MYL2: variants seen among roughly 807,000 people sequenced by gnomAD.
MYL2 encodes myosin light chain 2.
Under a neutral mutation model 23.0 loss-of-function variants are expected in MYL2, and 19 were observed. The ratio of observed to expected loss-of-function variants is 0.83; its 90% CI spans 0.58 to 1.21. The LOEUF (loss-of-function observed/expected upper bound fraction) is 1.21, where lower values mean the gene tolerates loss of function less well. Among genes scored for constraint, MYL2 ranks in the 50% most tolerant of loss-of-function variants. The probability of loss-of-function intolerance (pLI) is 0.00; values close to 1 mark genes in which losing one functional copy is unlikely to be tolerated. For synonymous variants in MYL2, 78 were observed against 76.2 expected, an observed-to-expected ratio of 1.02 and a Z score of -0.13; for missense variants, 180 against 215.1, an observed-to-expected ratio of 0.84 and a Z score of 1.02.
chr12:110,921,175 A>G (rs559870635), upstream of MYL2, among the ~76,000 whole-genome samples: 71 of 152,280 alleles, frequency 4.7e-4, no homozygotes, highest in Middle Eastern at 6.8e-3. Flanking sequence ...CCTGGGTGAC[A>G]TAGGGAGATG....
At chr12:110,916,108 C>T (rs775997093) in intron 2 of MYL2, among the ~76,000 whole-genome samples, 33 of 152,116 alleles carry the variant, frequency 2.2e-4, no homozygotes, top group Non-Finnish European at 3.1e-4. Flanking sequence ...GGCCTAGGCC[C>T]GTGGGTTACT....
intron 1 of MYL2, among the ~76,000 whole-genome samples, 171 bp downstream of exon 1, chr12:110,920,356 G>A (rs1424124402): frequency 1.3e-5 from 2 of 151,932 alleles, no homozygotes; most frequent in East Asian, 1.9e-4. Context: ...GTGGCCTATC[G>A]GGGCATTGAT....
At chr12:110,912,628 TG>T (rs796460494) in intron 6 of MYL2, among the ~76,000 whole-genome samples, 2 of 152,330 alleles carry the variant, frequency 1.3e-5, no homozygotes, top group South Asian at 4.1e-4. Flanking sequence ...GGCATGATCT[TG>T]GCTCATTGCA....
intron 4 of MYL2, 101 bp downstream of exon 4, chr12:110,914,085 A>C (rs550818109): frequency 1.0e-6 from 1 of 953,040 alleles, no homozygotes. Context: ...ATTTTTTTCC[A>C]ATGGTGCTTT....
At chr12:110,914,091 GC>G (rs955876402) in intron 4 of MYL2, 94 bp downstream of exon 4, 1 of 989,844 alleles carries the variant, frequency 1.0e-6, no homozygotes, top group African/African-American at 1.6e-5. Context: ...TTCCAATGGT[GC>G]TTTATCTCTT....
chr12:110,911,157 C>G lies in MYL2; in HGVS notation c.421G>C (p.Ala141Pro). 1 of 1,599,728 alleles carries G rather than the reference C, an allele frequency of 6.3e-7. No individual in the cohort carries two copies. Among genetic ancestry groups the G allele is most frequent in the Non-Finnish European group, 8.5e-7 (1 of 1,171,784 alleles). ...SKEEVDQMFA[A>P]FPPDVTGNLD... ...TTGCCAGTCACGTCAGGGGGGAAGG[C>G]GGCGAACATCTGGTCAACCTGCAAT... Residue 141 changes from alanine to proline, a missense_variant, in exon 7 of 7, where the codon GCC (alanine) becomes CCC (proline). Transcript: ENST00000228841.
intron 2 of MYL2, among the ~76,000 whole-genome samples, chr12:110,917,290 C>CT (rs929368491): frequency 6.6e-6 from 1 of 151,576 alleles, no homozygotes; most frequent in African/African-American, 2.4e-5. Flanking sequence ...CAGTTTTTAG[C>CT]TTTTTAAAAA....
rs919640255 is a variant in MYL2 at position 110,918,660 on chromosome 12, G to A, written c.93+444C>T. 2.0e-5 allele frequency among the ~76,000 whole-genome samples: 3 copies of A among 152,112 alleles called. No homozygotes were observed. Among genetic ancestry groups the A allele is most frequent in the African/African-American group, 7.2e-5 (3 of 41,410 alleles). On this transcript the variant is annotated intron_variant, in intron 2 of 6. Transcript: ENST00000228841. This position sits in a 1 kb window ranked among gnomAD's most constrained non-coding sequence, Gnocchi z 4.4. Reference sequence around the variant, plus strand: ...AATGTCATATTTAACCATAGGAAATGGTTTAAATACATGATAGGAAATGTT... The same window carrying A: ...AATGTCATATTTAACCATAGGAAATAGTTTAAATACATGATAGGAAATGTT...
intron 1 of MYL2, among the ~76,000 whole-genome samples, chr12:110,919,810 G>A (rs2071708848): frequency 6.6e-6 from 1 of 152,120 alleles, no homozygotes; most frequent in South Asian, 2.1e-4. Flanking sequence ...TTCAATAACA[G>A]CAAATGATTC....
At position 110,913,124 on chromosome 12, in the gene MYL2, G is replaced by A. The variant is rs375667565; in HGVS notation, c.374C>T (p.Thr125Met). 4.0e-5 allele frequency: 65 copies of A among 1,614,208 alleles called. No homozygotes were observed. The highest frequency in any genetic ancestry group is 4.5e-5 in the East Asian group (2 of 44,882). The stretch of plus-strand genomic sequence containing the variant: ...CTCCTTGGAAAACCTCTCCGCCTGC[G>A]TGGTCAGCATTTCCCGAACGCTGCA... ...KADYVREMLT[T>M]QAERFSKEEV... is the part of the protein sequence containing the mutation. The change falls in exon 6 of 7, where the codon ACG (threonine) becomes ATG (methionine). Residue 125 changes from threonine (T) to methionine (M), a missense_variant. Coordinates refer to ENST00000228841, the MANE Select transcript of MYL2 (RefSeq NM_000432.4).
intron 3 of MYL2, among the ~76,000 whole-genome samples, chr12:110,915,131 C>T (rs955109783): frequency 2.0e-5 from 3 of 152,328 alleles, no homozygotes; most frequent in Non-Finnish European, 2.9e-5. Flanking sequence ...AATGTGAATA[C>T]TTCCCTGTAG....
intron 1 of MYL2, among the ~76,000 whole-genome samples, chr12:110,920,160 AC>A (rs2071711619): frequency 6.6e-6 from 1 of 152,204 alleles, no homozygotes; most frequent in Non-Finnish European, 1.5e-5. Context: ...AAAGGTGAAA[AC>A]AAAAACATTC....
chr12:110,912,513 G>T (rs1027580442), intron 6 of MYL2, among the ~76,000 whole-genome samples: 2 of 152,194 alleles, frequency 1.3e-5, no homozygotes, highest in African/African-American at 2.4e-5. Flanking sequence ...CTGCAGTCAC[G>T]CAGACCTAGG....
intron 3 of MYL2, among the ~76,000 whole-genome samples, chr12:110,915,408 C>T (rs997294057): frequency 6.6e-6 from 1 of 152,174 alleles, no homozygotes; most frequent in Admixed American, 6.5e-5. Flanking sequence ...TGGAATATGA[C>T]CTTCTGGGTG....
At chr12:110,920,798 G>A (rs187098127), upstream of MYL2, 7 of 590,790 alleles carry the variant, frequency 1.2e-5, no homozygotes, top group Admixed American at 2.9e-5. Flanking sequence ...TCATGGTCAC[G>A]GGGAGAGATG....
In MYL2 at chr12:110,915,746, C is replaced by T. The variant is rs1267967428; in HGVS notation, c.138G>A (p.Lys46=). The part of the protein sequence containing the change: ...MDQNRDGFID[K]NDLRDTFAAL... ...CAGCAAAGGTGTCTCTCAGATCGTTCTTGTCAATGAAGCCATCCCTGTTCT... is the reference window on the plus strand; with the variant it reads ...CAGCAAAGGTGTCTCTCAGATCGTTTTTGTCAATGAAGCCATCCCTGTTCT... Residue 46 remains lysine (K), a synonymous_variant, in exon 3 of 7, where the codon AAG becomes AAA. Transcript: ENST00000228841. 6.2e-7 allele frequency: 1 copy of T among 1,614,036 alleles called. No homozygotes were observed. Among genetic ancestry groups the T allele is most frequent in the Non-Finnish European group, 8.5e-7 (1 of 1,180,012 alleles).
At chr12:110,911,665 G>A (rs1566147684) in intron 6 of MYL2, among the ~76,000 whole-genome samples, 1 of 152,104 alleles carries the variant, frequency 6.6e-6, no homozygotes, top group Non-Finnish European at 1.5e-5. Context: ...CTTCCACTGG[G>A]ATCACAAACT....
Position 110,918,865 on chromosome 12 carries a change from T to C in MYL2, c.93+239A>G. 1.9e-6 allele frequency: 1 copy of C among 535,828 alleles called. No individual in the cohort carries two copies. Among genetic ancestry groups the C allele is most frequent in the Non-Finnish European group, 3.3e-6 (1 of 300,384 alleles). 33.2% of individuals were successfully genotyped at this position (535,828 alleles called of 1,614,324 possible). On this transcript the variant is annotated intron_variant, in intron 2 of 6. Transcript: ENST00000228841. This position sits in a 1 kb window ranked among gnomAD's most constrained non-coding sequence, Gnocchi z 4.4. ...GTAGTTTTTATTTCCTTTTCTGTGCTTTTCTGAAAAATTTTCCAACATTTT... is the reference window on the plus strand; with the variant it reads ...GTAGTTTTTATTTCCTTTTCTGTGCCTTTCTGAAAAATTTTCCAACATTTT...
intron 2 of MYL2, among the ~76,000 whole-genome samples, chr12:110,916,381 A>G (rs993713745): frequency 6.6e-6 from 1 of 152,228 alleles, no homozygotes; most frequent in Non-Finnish European, 1.5e-5. Flanking sequence ...AAATGTGTAT[A>G]GCAGCATCGT....
Sources: gnomAD v4.1 joint callset for allele counts (sites outside exome capture counted in the v4.1 genomes callset) on GRCh38, gnomAD v4.1.1 for gene constraint, Gnocchi (gnomAD v3.1) non-coding constraint, MANE v1.5 for transcripts, NCBI Gene and HGNC (gene_info 2026-07-23, HGNC 2026-07-21) for gene names.